ZFP1: variants seen among roughly 807,000 people sequenced by gnomAD.
ZFP1 encodes ZFP1 zinc finger protein, also known as zinc finger protein 1 homolog.
Under a neutral mutation model 38.5 loss-of-function variants are expected in ZFP1, and 32 were observed. That is an observed-to-expected ratio of 0.83 (90% CI 0.63 to 1.12). The LOEUF (loss-of-function observed/expected upper bound fraction) is 1.12, where lower values mean the gene tolerates loss of function less well. ZFP1 is among the 50% of genes most tolerant of loss of function. The pLI is 0.00. For missense variants in ZFP1, 616 were observed against 480.8 expected, an observed-to-expected ratio of 1.28 and a Z score of -2.63; for synonymous variants, 245 against 168.8, an observed-to-expected ratio of 1.45 and a Z score of -3.50.
chr16:75,139,325 C>T, the ZFP1 span, among the ~76,000 whole-genome samples: 7 of 133,704 alleles, frequency 5.2e-5, no homozygotes, highest in South Asian at 2.6e-4. Flanking sequence ...GCCGAGGTTG[C>T]GCCACTGCAC....
chr16:75,147,877 G>A (rs12716782), upstream of ZFP1, among the ~76,000 whole-genome samples: 133,002 of 152,208 alleles, frequency 0.87, 58,324 homozygotes, highest in Middle Eastern at 0.91. Context: ...ACAATATTGT[G>A]TACTTGAAAT....
At chr16:75,123,659 G>C in the ZFP1 span, among the ~76,000 whole-genome samples, 2 of 150,768 alleles carry the variant, frequency 1.3e-5, no homozygotes, top group East Asian at 4.0e-4. Flanking sequence ...TTGTATTTTA[G>C]TAGAGACAGA....
chr16:75,139,380 A>C, the ZFP1 span, among the ~76,000 whole-genome samples: 2 of 146,828 alleles, frequency 1.4e-5, no homozygotes, highest in Non-Finnish European at 1.5e-5. Context: ...AAAAAAAAAA[A>C]AAAAAAAAAA....
At chr16:75,160,915 A>G (rs1021142232) in intron 2 of ZFP1, among the ~76,000 whole-genome samples, 4 of 152,232 alleles carry the variant, frequency 2.6e-5, no homozygotes, top group South Asian at 2.1e-4. Flanking sequence ...CTATGATCCA[A>G]TCACCTCTCA....
chr16:75,152,094 A>G (rs1034532903), intron 1 of ZFP1, among the ~76,000 whole-genome samples: 1 of 152,018 alleles, frequency 6.6e-6, no homozygotes, highest in African/African-American at 2.4e-5. Context: ...TGATTTTTCT[A>G]CATATAATAT....
At chr16:75,120,159 G>C in the ZFP1 span, among the ~76,000 whole-genome samples, 1 of 152,142 alleles carries the variant, frequency 6.6e-6, no homozygotes, top group Non-Finnish European at 1.5e-5. Flanking sequence ...GTGTGTGTGT[G>C]CGCATGTGCG....
chr16:75,154,856 G>A (rs183086283), intron 2 of ZFP1, among the ~76,000 whole-genome samples: 3 of 152,080 alleles, frequency 2.0e-5, no homozygotes, highest in East Asian at 1.9e-4. Flanking sequence ...GGAATGTAGT[G>A]GCGTGATCTT....
chr16:75,140,832 G>A, the ZFP1 span, among the ~76,000 whole-genome samples: 8 of 152,000 alleles, frequency 5.3e-5, no homozygotes, highest in Non-Finnish European at 7.4e-5. Context: ...GGTGTTGGGC[G>A]CCTGTTGTCC....
chr16:75,131,821 C>A, the ZFP1 span, among the ~76,000 whole-genome samples: 1 of 151,850 alleles, frequency 6.6e-6, no homozygotes, highest in African/African-American at 2.4e-5. Context: ...AAAAACTAGC[C>A]GTGTGCAGGG....
At chr16:75,142,842 C>T in the ZFP1 span, among the ~76,000 whole-genome samples, 1 of 152,084 alleles carries the variant, frequency 6.6e-6, no homozygotes, top group South Asian at 2.1e-4. Context: ...TCTGGGAGTA[C>T]AGGTGTCCAT....
At chr16:75,148,474 C>G (rs8059861), upstream of ZFP1, 142,093 of 152,378 alleles carry the variant, frequency 0.93, 66,324 homozygotes, top group African/African-American at 0.95. Context: ...TGGGAACGGC[C>G]CGCGCCCCTG....
intron 1 of ZFP1, chr16:75,149,106 C>A (rs933148226): frequency 6.6e-6 from 1 of 152,106 alleles, no homozygotes; most frequent in South Asian, 2.1e-4. Flanking sequence ...GAAGGAGAAC[C>A]GTGATCCCTT....
At chr16:75,153,113 A>G in intron 2 of ZFP1, 147 bp downstream of exon 2, 3 of 1,046,618 alleles carry the variant, frequency 2.9e-6, no homozygotes, top group Non-Finnish European at 4.1e-6. Flanking sequence ...CAAAAAGCAA[A>G]TTGAGTTAAT....
At chr16:75,148,458 G>A (rs954328025), upstream of ZFP1, 3 of 152,272 alleles carry the variant, frequency 2.0e-5, no homozygotes, top group African/African-American at 4.8e-5. Flanking sequence ...ACCCCTCCGA[G>A]GACCCTGGGA....
At position 75,169,233 on chromosome 16, in the gene ZFP1, A is replaced by C; in HGVS notation, c.143-20A>C. ...CGGAGGCATTGACAAGGTTCTTTTC[A>C]TTGTGCTCTCTATTCCTAGAAGTGT... On this transcript the variant is annotated intron_variant, in intron 3 of 3. Coordinates refer to ENST00000570010, the MANE Select transcript of ZFP1 (RefSeq NM_153688.4). 6.3e-7 allele frequency: 1 copy of C among 1,579,556 alleles called. No individual in the cohort carries two copies. Among genetic ancestry groups the C allele is most frequent in the Non-Finnish European group, 8.6e-7 (1 of 1,167,800 alleles).
At chr16:75,168,223 G>T (rs985649627) in intron 3 of ZFP1, among the ~76,000 whole-genome samples, 1 of 152,204 alleles carries the variant, frequency 6.6e-6, no homozygotes, top group African/African-American at 2.4e-5. Flanking sequence ...TCTTCAGACT[G>T]TTCTCCACAG....
At chr16:75,162,044 C>G (rs981322540) in intron 2 of ZFP1, among the ~76,000 whole-genome samples, 2 of 151,426 alleles carry the variant, frequency 1.3e-5, no homozygotes, top group African/African-American at 4.9e-5. Context: ...CTCGGCCTCC[C>G]AAAGTGCTGG....
intron 1 of ZFP1, among the ~76,000 whole-genome samples, chr16:75,152,667 T>A (rs1384690291): frequency 6.6e-6 from 1 of 152,248 alleles, no homozygotes; most frequent in African/African-American, 2.4e-5. Flanking sequence ...TTCTGTTGAT[T>A]GTTTTGCCTC....
At position 75,171,018 on chromosome 16, in the gene ZFP1, T is replaced by C. The variant is rs963457156; in HGVS notation, c.*684T>C. ...TTTCTAGAAGCACTATTTACACAAA[T>C]ATGCAAATGTGAAATAACCGATCTA... On this transcript the variant is annotated 3_prime_UTR_variant, in exon 4 of 4. Coordinates refer to ENST00000570010, the MANE Select transcript of ZFP1 (RefSeq NM_153688.4). The C allele has an allele frequency of 2.6e-4, 4 of 15,646 alleles. No homozygotes were observed. Among genetic ancestry groups the C allele is most frequent in the Admixed American group, 6.7e-4 (1 of 1,486 alleles). 1.0% of individuals were successfully genotyped at this position (15,646 alleles called of 1,614,324 possible).
Sources: allele counts gnomAD v4.1 joint callset (sites outside exome capture counted in the v4.1 genomes callset), GRCh38; gene constraint gnomAD v4.1.1; transcripts MANE v1.5; gene names NCBI Gene and HGNC (gene_info 2026-07-23, HGNC 2026-07-21).